Variants in CCDC158 observed in about 807,000 individuals in gnomAD.
The protein encoded by CCDC158 is coiled-coil domain-containing protein 158.
A neutral mutation model predicts 138.6 loss-of-function variants in CCDC158; 116 were observed. That is an observed-to-expected ratio of 0.84 (90% CI 0.72 to 0.98). The LOEUF (loss-of-function observed/expected upper bound fraction) is 0.98, where lower values mean the gene tolerates loss of function less well. Among genes scored for constraint, CCDC158 ranks in the 50% least tolerant of loss-of-function variants. The pLI is 0.00. For missense variants in CCDC158, 1,265 were observed against 1,306.1 expected (o/e 0.97, Z 0.48); for synonymous variants, 436 against 442.4 (o/e 0.99, Z 0.18).
intron 24 of CCDC158, among the ~76,000 whole-genome samples, chr4:76,317,674 A>G (rs1384006871): frequency 6.6e-6 from 1 of 152,230 alleles, no homozygotes; most frequent in African/African-American, 2.4e-5. Context: ...AGATATTTAC[A>G]GAACATTCTA....
chr4:76,351,724 A>C lies in CCDC158; in HGVS notation c.2534T>G (p.Ile845Arg). Residue 845 changes from isoleucine (I) to arginine (R), a missense_variant, in exon 17 of 25, where the codon ATA (isoleucine) becomes AGA (arginine). Coordinates refer to ENST00000682701, the MANE Select transcript of CCDC158 (RefSeq NM_001394954.1). ...VRLKLQHTLD[I>R]KELQGPGYTS... ...TAATATTTATGATGACCTTACTTTT[A>C]TATCCAAAGTGTGTTGAAGTTTTAA... 1 of 1,598,632 alleles carries C rather than the reference A, an allele frequency of 6.3e-7. No individual in the cohort carries two copies. Among genetic ancestry groups the C allele is most frequent in the South Asian group, 1.1e-5 (1 of 90,502 alleles).
chr4:76,327,206 T>C (rs140598281), intron 22 of CCDC158, among the ~76,000 whole-genome samples: 127 of 152,292 alleles, frequency 8.3e-4, no homozygotes, highest in African/African-American at 3.0e-3. Context: ...GAAGTAAACC[T>C]GAAGGAATTA....
At chr4:76,347,763 T>C (rs1197058631) in intron 18 of CCDC158, among the ~76,000 whole-genome samples, 2 of 152,116 alleles carry the variant, frequency 1.3e-5, no homozygotes, top group African/African-American at 4.8e-5. Flanking sequence ...ATCTCTGTAA[T>C]TTTTTCACAT....
At chr4:76,353,579 G>C (rs1049759725) in intron 15 of CCDC158, among the ~76,000 whole-genome samples, 1 of 152,024 alleles carries the variant, frequency 6.6e-6, no homozygotes, top group African/African-American at 2.4e-5. Flanking sequence ...TAGTGAATTA[G>C]GATCAAATAA....
At position 76,384,547 on chromosome 4, in the gene CCDC158, A is replaced by T. The variant is rs17001891; in HGVS notation, c.398+9T>A. ...TATGTGACTTTAAAATAATTTCACAAATCCCAACCTGATGTCAGCCATAGC... is the reference window on the plus strand; with the variant it reads ...TATGTGACTTTAAAATAATTTCACATATCCCAACCTGATGTCAGCCATAGC... On this transcript the variant is annotated intron_variant, in intron 5 of 24. Coordinates refer to ENST00000682701, the MANE Select transcript of CCDC158 (RefSeq NM_001394954.1). 3,419 of 1,597,620 alleles carry T rather than the reference A, an allele frequency of 2.1e-3. 63 individuals carry two copies. In the African/African-American group the frequency reaches 0.041, roughly 19 times the overall value.
intron 11 of CCDC158, 116 bp from the exon 12 acceptor site, chr4:76,367,892 A>T: frequency 2.2e-6 from 2 of 903,120 alleles, no homozygotes; most frequent in Non-Finnish European, 3.0e-6. Context: ...GTTTAGTAAG[A>T]TCTTTTTTTT....
intron 8 of CCDC158, among the ~76,000 whole-genome samples, chr4:76,381,903 G>T (rs1230968167): frequency 6.7e-6 from 1 of 149,412 alleles, no homozygotes; most frequent in Non-Finnish European, 1.5e-5. Context: ...GGATGCTCTC[G>T]ATCTCCTGAC....
At chr4:76,372,061 T>C (rs1725301374) in intron 9 of CCDC158, among the ~76,000 whole-genome samples, 1 of 152,050 alleles carries the variant, frequency 6.6e-6, no homozygotes, top group East Asian at 1.9e-4. Flanking sequence ...TACTGTTGAA[T>C]TTGGGAATTG....
In CCDC158 at chr4:76,367,630, T is replaced by C. The variant is rs1408215289; in HGVS notation, c.1494A>G (p.Ile498Met). 6.2e-7 allele frequency: 1 copy of C among 1,614,058 alleles called. No individual in the cohort carries two copies. The highest frequency in any genetic ancestry group is 8.5e-7 in the Non-Finnish European group (1 of 1,179,868). Reference protein sequence around the residue: ...KMTLESSERTISDLTTSLQEK... With the variant: ...KMTLESSERTMSDLTTSLQEK... ...CCTGGAGAGAAGTTGTCAGGTCCGA[T>C]ATTGTCCTCTCTGAGCTCTCCAGAG... Residue 498 changes from isoleucine (I) to methionine (M), a missense_variant, in exon 12 of 25, where the codon ATA becomes ATG. Coordinates refer to ENST00000682701, the MANE Select transcript of CCDC158 (RefSeq NM_001394954.1).
chr4:76,345,967 A>G (rs1353070805), intron 18 of CCDC158, among the ~76,000 whole-genome samples: 5 of 152,238 alleles, frequency 3.3e-5, no homozygotes, highest in Non-Finnish European at 5.9e-5. Context: ...AGCTGGAGGC[A>G]TCATGCTACC....
At chr4:76,404,028 G>A (rs1226127464) in intron 2 of CCDC158, among the ~76,000 whole-genome samples, 1 of 152,156 alleles carries the variant, frequency 6.6e-6, no homozygotes, top group Non-Finnish European at 1.5e-5. Flanking sequence ...TGACAATGGG[G>A]TAAGGGTTTG....
At chr4:76,338,458 G>T (rs1721749449) in intron 18 of CCDC158, among the ~76,000 whole-genome samples, 1 of 152,184 alleles carries the variant, frequency 6.6e-6, no homozygotes, top group Admixed American at 6.5e-5. Flanking sequence ...GTTGTGGTGG[G>T]CCAAGATCGT....
chr4:76,396,574 C>A, intron 3 of CCDC158, 88 bp from the exon 4 acceptor site: 2 of 926,438 alleles, frequency 2.2e-6, no homozygotes, highest in Non-Finnish European at 1.6e-6. Context: ...TGCAATGGCG[C>A]GATCTTGCTC....
chr4:76,407,273 G>A (rs985381393), intron 2 of CCDC158: 1 of 151,936 alleles, frequency 6.6e-6, no homozygotes, highest in African/African-American at 2.4e-5. Flanking sequence ...TACAATTAAC[G>A]ATAGAACATA....
At chr4:76,378,269 C>A (rs540791632) in intron 9 of CCDC158, among the ~76,000 whole-genome samples, 20 of 152,288 alleles carry the variant, frequency 1.3e-4, no homozygotes, top group African/African-American at 4.6e-4. Context: ...ATTCGTGCTG[C>A]AATATATGGA....
intron 11 of CCDC158, among the ~76,000 whole-genome samples, 187 bp downstream of exon 11, chr4:76,369,239 C>A (rs1167604688): frequency 1.3e-5 from 2 of 150,510 alleles, no homozygotes; most frequent in African/African-American, 2.5e-5. Flanking sequence ...AATAAATAAA[C>A]AAAAAATGAA....
intron 12 of CCDC158, among the ~76,000 whole-genome samples, chr4:76,364,483 T>C (rs1724460475): frequency 6.6e-6 from 1 of 152,188 alleles, no homozygotes; most frequent in East Asian, 1.9e-4. Flanking sequence ...AGACTTTGTA[T>C]AAAAATAGAA....
At chr4:76,395,343 T>C (rs1265094980) in intron 4 of CCDC158, among the ~76,000 whole-genome samples, 2 of 152,166 alleles carry the variant, frequency 1.3e-5, no homozygotes, top group African/African-American at 4.8e-5. Context: ...TTAATAAAAT[T>C]GTAGATTTTT....
intron 22 of CCDC158, 35 bp downstream of exon 22, chr4:76,328,865 T>G: frequency 1.3e-6 from 2 of 1,563,094 alleles, no homozygotes; most frequent in Non-Finnish European, 1.8e-6. Flanking sequence ...GGAGACATTG[T>G]AGGGCCTATT....
Sources: gnomAD v4.1 joint callset for allele counts (sites outside exome capture counted in the v4.1 genomes callset) on GRCh38, gnomAD v4.1.1 for gene constraint, MANE v1.5 for transcripts, NCBI Gene and HGNC (gene_info 2026-07-23, HGNC 2026-07-21) for gene names.